Variants in MCFD2 observed in about 807,000 individuals in gnomAD.
MCFD2 encodes multiple coagulation factor deficiency 2, ER cargo receptor complex subunit.
Under a neutral mutation model 12.8 loss-of-function variants are expected in MCFD2, and 11 were observed. The ratio of observed to expected loss-of-function variants is 0.86; its 90% confidence interval spans 0.54 to 1.42. MCFD2 has a LOEUF of 1.42. MCFD2 is among the 40% of genes most tolerant of loss of function. The pLI, the probability that MCFD2 is intolerant of heterozygous loss-of-function variation, is 0.00. For missense variants in MCFD2, 191 were observed against 178.6 expected, an observed-to-expected ratio of 1.07 and a Z score of -0.40; for synonymous variants, 70 against 68.1, an observed-to-expected ratio of 1.03 and a Z score of -0.14.
intron 1 of MCFD2, among the ~76,000 whole-genome samples, chr2:46,923,762 C>T (rs905597203): frequency 6.6e-6 from 1 of 151,784 alleles, no homozygotes; most frequent in Non-Finnish European, 1.5e-5. Flanking sequence ...GACAAAGTCT[C>T]ACTCTTGTCC....
rs879845279 is a variant in MCFD2, at chr2:46,928,769, G to GA, written c.-8+12802dup. Among the ~76,000 whole-genome samples, 1,262 of 133,320 alleles carry GA rather than the reference G, an allele frequency of 9.5e-3. 6 individuals are homozygous for GA. Among genetic ancestry groups the GA allele is most frequent in the Non-Finnish European group, 0.013 (786 of 60,818 alleles). 87.5% of individuals were successfully genotyped at this position (133,320 alleles called of 152,430 possible). A position where few individuals can be genotyped will look rare whatever the true frequency, so the allele number is the denominator to read the frequency against. Reference sequence around the variant, plus strand: ...TGGGTAATGTGAGACTGTTTCAAAAGAAAAAAAAAAAGTCCCACGTTTGAA... The same window carrying GA: ...TGGGTAATGTGAGACTGTTTCAAAAGAAAAAAAAAAAAGTCCCACGTTTGAA... On this transcript the variant is annotated intron_variant, in intron 1 of 2. Coordinates refer to the MCFD2 transcript ENST00000409147.
chr2:46,915,837 T>TGCGC, upstream of MCFD2: 3 of 284,946 alleles, frequency 1.1e-5, no homozygotes, highest in East Asian at 6.6e-4. Flanking sequence ...CGACCTGCCC[T>TGCGC]GCGCACGCGC....
rs1308928291 is a variant in MCFD2 at position 46,941,792 on chromosome 2, C to G, written c.-228G>C. The G allele has an allele frequency of 1.3e-6, 2 of 1,537,172 alleles. No homozygotes were observed. Among genetic ancestry groups the G allele is most frequent in the East Asian group, 2.5e-5 (1 of 40,692 alleles). ...GAAACGCACCGCCTCCTCCAGGAAGCGCGCCCAGACAGTCCTCGGCCGACA... is the reference window on the plus strand; with the variant it reads ...GAAACGCACCGCCTCCTCCAGGAAGGGCGCCCAGACAGTCCTCGGCCGACA... On this transcript the variant is annotated 5_prime_UTR_variant, in exon 1 of 3. Coordinates refer to the MCFD2 transcript ENST00000409147. This position sits in a 1 kb window ranked among gnomAD's most constrained non-coding sequence, Gnocchi z 4.2.
At position 46,936,099 on chromosome 2, in the gene MCFD2, T is replaced by TA. The variant is rs1227015421; in HGVS notation, c.-8+5472dup. On this transcript the variant is annotated intron_variant, in intron 1 of 2. Coordinates refer to the MCFD2 transcript ENST00000409147. The stretch of plus-strand genomic sequence containing the variant: ...GAGCAAGACCCTGTCTCTAAAAACA[T>TA]AAAAAATAATAAGAAATAAATATAT... 1.1e-4 allele frequency among the ~76,000 whole-genome samples: 17 copies of TA among 152,192 alleles called. No homozygotes were observed. In the East Asian group the frequency reaches 2.9e-3, roughly 26 times the overall value.
At chr2:46,916,373 C>T (rs1159183478), upstream of MCFD2, 11 of 159,004 alleles carry the variant, frequency 6.9e-5, no homozygotes, top group Admixed American at 4.6e-4. Flanking sequence ...CCACGGGAGT[C>T]CCAGCAAGAC....
rs1668055819 is a variant in MCFD2, at chr2:46,902,556, G to A, written c.*2907C>T. 4 of 152,796 alleles carry A rather than the reference G, an allele frequency of 2.6e-5. No individual in the cohort carries two copies. The highest frequency in any genetic ancestry group is 7.2e-5 in the African/African-American group (3 of 41,592). The allele number at this position is 152,796 out of a possible 1,614,324, so 9.5% of individuals were successfully genotyped here. On this transcript the variant is annotated 3_prime_UTR_variant, in exon 4 of 4. Transcript: ENST00000319466. ...CAGAAAAGCAATAAAGTATAAGGAT[G>A]TGGCAGTAGTTGTATAAAATACTGA...
chr2:46,934,742 A>G (rs372455111), intron 1 of MCFD2, among the ~76,000 whole-genome samples: 63 of 141,876 alleles, frequency 4.4e-4, no homozygotes, highest in African/African-American at 1.6e-3. Flanking sequence ...CTTTTGCCCT[A>G]TCCCAACAAT....
chr2:46,932,497 T>G (rs961867146), intron 1 of MCFD2, among the ~76,000 whole-genome samples: 1 of 152,186 alleles, frequency 6.6e-6, no homozygotes. Context: ...GAGTTTGCTG[T>G]ATAATGATTA....
rs769408679 is a variant in MCFD2, at chr2:46,905,449, T to C, written c.*14A>G. ...GTCACATTTGTATATAACCAGGAGATGGCCAAATAACATCTACTGCAGTGA... is the reference window on the plus strand; with the variant it reads ...GTCACATTTGTATATAACCAGGAGACGGCCAAATAACATCTACTGCAGTGA... On this transcript the variant is annotated 3_prime_UTR_variant, in exon 4 of 4. Coordinates refer to ENST00000319466, the MANE Select transcript of MCFD2 (RefSeq NM_139279.6). 2 of 1,612,064 alleles carry C rather than the reference T, an allele frequency of 1.2e-6. No homozygotes were observed. The highest frequency in any genetic ancestry group is 2.2e-5 in the East Asian group (1 of 44,850).
intron 1 of MCFD2, among the ~76,000 whole-genome samples, chr2:46,912,306 T>G (rs1381492360): frequency 6.6e-6 from 1 of 152,212 alleles, no homozygotes; most frequent in Non-Finnish European, 1.5e-5. Context: ...ACCACTGCAC[T>G]CCAGCCTGGG....
In MCFD2 at chr2:46,940,851, G is replaced by T. The variant is rs930082068; in HGVS notation, c.-8+721C>A. ...CTCGCCGTCGGGGTTGGGGCCTGTC[G>T]GCCGGCCTCTCCCCATTTTTGTGAC... is the stretch of plus-strand genomic sequence containing the variant. On this transcript the variant is annotated intron_variant, in intron 1 of 2. Coordinates refer to the MCFD2 transcript ENST00000409147. This position sits in a 1 kb window ranked among gnomAD's most constrained non-coding sequence, Gnocchi z 4.7. Among the ~76,000 whole-genome samples the T allele has an allele frequency of 6.6e-6, 1 of 152,094 alleles. No homozygotes were observed. Among genetic ancestry groups the T allele is most frequent in the Non-Finnish European group, 1.5e-5 (1 of 67,992 alleles).
At chr2:46,939,904 C>G (rs1276648804) in intron 1 of MCFD2, among the ~76,000 whole-genome samples, 1 of 152,214 alleles carries the variant, frequency 6.6e-6, no homozygotes, top group Non-Finnish European at 1.5e-5. Flanking sequence ...AGAGCAGCTT[C>G]AGCTTCCCTT....
chr2:46,931,984 G>A (rs4474932), intron 1 of MCFD2, among the ~76,000 whole-genome samples: 15,185 of 152,116 alleles, frequency 0.1, 835 homozygotes, highest in Middle Eastern at 0.12. Flanking sequence ...CCATATTAAT[G>A]GATCTAAGGA....
upstream of MCFD2, among the ~76,000 whole-genome samples, chr2:46,920,762 AT>A (rs990730583): frequency 3.3e-5 from 5 of 151,968 alleles, no homozygotes; most frequent in African/African-American, 1.2e-4. Flanking sequence ...CTTCAAAGGC[AT>A]TTTCATGATG....
At chr2:46,929,777 T>A (rs1190561861) in intron 1 of MCFD2, among the ~76,000 whole-genome samples, 1 of 152,230 alleles carries the variant, frequency 6.6e-6, no homozygotes, top group Non-Finnish European at 1.5e-5. Flanking sequence ...TCACTGCCCA[T>A]CTCTGGGCAT....
rs1307562018 is a variant in MCFD2 at position 46,903,718 on chromosome 2, G to A, written c.*1745C>T. ...AGATGATTTAGGTTAACTAGCGGAA[G>A]AAATTTCTAAGCAGCAAAGTGTTCA... On this transcript the variant is annotated 3_prime_UTR_variant, in exon 4 of 4. Transcript: ENST00000319466. The A allele has an allele frequency of 6.6e-6, 1 of 152,184 alleles. No homozygotes were observed. The highest frequency in any genetic ancestry group is 1.5e-5 in the Non-Finnish European group (1 of 68,048). The allele number at this position is 152,184 out of a possible 1,614,324, so 9.4% of individuals were successfully genotyped here.
chr2:46,908,920 T>C lies in MCFD2; in HGVS notation c.149+103A>G, dbSNP rs1282168352. The stretch of plus-strand genomic sequence containing the variant: ...ATCCTTGAAGAATGTCAAGGAGCCA[T>C]AGAAACAGGAAGAAGGAAAGGAGGA... On this transcript the variant is annotated intron_variant, in intron 2 of 3. Transcript: ENST00000319466. This position sits in a 1 kb window ranked among gnomAD's most constrained non-coding sequence, Gnocchi z 4.5. 6 of 1,438,148 alleles carry C rather than the reference T, an allele frequency of 4.2e-6. No homozygotes were observed. Among genetic ancestry groups the C allele is most frequent in the East Asian group, 2.3e-5 (1 of 44,084 alleles). 89.1% of individuals were successfully genotyped at this position (1,438,148 alleles called of 1,614,324 possible). A position where few individuals can be genotyped will look rare whatever the true frequency, so the allele number is the denominator to read the frequency against.
chr2:46,932,365 T>A (rs1279896512), intron 1 of MCFD2, among the ~76,000 whole-genome samples: 2 of 152,090 alleles, frequency 1.3e-5, no homozygotes, highest in Non-Finnish European at 2.9e-5. Flanking sequence ...ACCAGGCTGG[T>A]CTCAAACTCT....
chr2:46,915,760 G>C lies in MCFD2; in HGVS notation c.-44C>G, dbSNP rs1165995004. 3 of 974,716 alleles carry C rather than the reference G, an allele frequency of 3.1e-6. No individual in the cohort carries two copies. In the African/African-American group the frequency reaches 5.3e-5, roughly 17 times the overall value. The allele number at this position is 974,716 out of a possible 1,614,324, so 60.4% of individuals were successfully genotyped here. On this transcript the variant is annotated 5_prime_UTR_variant, in exon 1 of 4. Coordinates refer to ENST00000319466, the MANE Select transcript of MCFD2 (RefSeq NM_139279.6). ...CGAAGCAGACGCGAAGCCCTCCAAC[G>C]TGAGCCTCACCAGCCCCCGTCCCCA... is the stretch of plus-strand genomic sequence containing the variant.
Sources: gnomAD v4.1 joint callset for allele counts (sites outside exome capture counted in the v4.1 genomes callset) on GRCh38, gnomAD v4.1.1 for gene constraint, Gnocchi (gnomAD v3.1) non-coding constraint, MANE v1.5 for transcripts, NCBI Gene and HGNC (gene_info 2026-07-23, HGNC 2026-07-21) for gene names.